Variants in DHRS3 observed in about 807,000 individuals in gnomAD.
DHRS3 encodes the protein dehydrogenase/reductase 3, also known as short-chain dehydrogenase/reductase 3.
DHRS3 carries 14 observed loss-of-function variants against 27.2 expected under a neutral mutation model. The ratio of observed to expected loss-of-function variants is 0.52; its 90% CI spans 0.34 to 0.81. The LOEUF (loss-of-function observed/expected upper bound fraction) is 0.81, where lower values mean the gene tolerates loss of function less well. DHRS3 is among the 30% of genes least tolerant of loss of function. The pLI is 0.01. For synonymous variants in DHRS3, 165 were observed against 175.9 expected (o/e 0.94, Z 0.49); for missense variants, 322 against 406.2 (o/e 0.79, Z 1.78).
chr1:12,586,123 G>A lies in DHRS3; in HGVS notation c.196-5457C>T, dbSNP rs577019473. On this transcript the variant is annotated intron_variant, in intron 1 of 5. Transcript: ENST00000616661. This position sits in a 1 kb window ranked among gnomAD's most constrained non-coding sequence, Gnocchi z 5.0. Reference sequence around the variant, plus strand: ...AGACCTCTGGTCTCCGGGGCCCCGGGCTGTCCTGCCCTTGCCCAGAGCTGC... The same window carrying A: ...AGACCTCTGGTCTCCGGGGCCCCGGACTGTCCTGCCCTTGCCCAGAGCTGC... Among the ~76,000 whole-genome samples, 1 of 152,332 alleles carries A rather than the reference G, an allele frequency of 6.6e-6. No homozygotes were observed. The highest frequency in any genetic ancestry group is 1.9e-4 in the East Asian group (1 of 5,186).
chr1:12,582,875 C>CCA (rs1570367131), intron 1 of DHRS3, among the ~76,000 whole-genome samples: 36,681 of 136,220 alleles, frequency 0.27, 5,819 homozygotes, highest in East Asian at 0.52. Context: ...CCATCCATCC[C>CCA]TCCCTCCCTC....
chr1:12,604,538 T>G (rs964140632), intron 1 of DHRS3, among the ~76,000 whole-genome samples: 1 of 152,258 alleles, frequency 6.6e-6, no homozygotes, highest in African/African-American at 2.4e-5. Flanking sequence ...ACTCATTCAC[T>G]GCTTATCACC....
At chr1:12,571,256 A>T (rs1646533844) in intron 5 of DHRS3, among the ~76,000 whole-genome samples, 1 of 152,216 alleles carries the variant, frequency 6.6e-6, no homozygotes, top group African/African-American at 2.4e-5. Flanking sequence ...GTTCTAGGGG[A>T]ATAGGATGCC....
chr1:12,570,443 T>A (rs968667000), intron 5 of DHRS3, among the ~76,000 whole-genome samples: 2 of 152,002 alleles, frequency 1.3e-5, no homozygotes, highest in African/African-American at 4.8e-5. Flanking sequence ...AAGTACAAGA[T>A]GAAAAGGGTT....
chr1:12,597,252 T>C (rs1646805215), intron 1 of DHRS3, among the ~76,000 whole-genome samples: 1 of 152,180 alleles, frequency 6.6e-6, no homozygotes. Flanking sequence ...AATTTTTGTA[T>C]TTTTAGTAGA....
intron 5 of DHRS3, among the ~76,000 whole-genome samples, chr1:12,571,759 C>T (rs1646539471): frequency 6.6e-6 from 1 of 152,106 alleles, no homozygotes; most frequent in South Asian, 2.1e-4. Flanking sequence ...GTCTCGAACT[C>T]CCAACCTCAG....
Position 12,617,524 on chromosome 1 carries a change from A to C in DHRS3, c.-176T>G. Reference sequence around the variant, plus strand: ...CAAAGCACCGGGTGAGAAAAAGAAAAAAAAAAAAAAAAAAAAGATAAATTC... The same window carrying C: ...CAAAGCACCGGGTGAGAAAAAGAAACAAAAAAAAAAAAAAAAGATAAATTC... On this transcript the variant is annotated 5_prime_UTR_variant, in exon 1 of 6. Transcript: ENST00000616661. The C allele has an allele frequency of 2.2e-6, 1 of 445,242 alleles. No individual in the cohort carries two copies. Among genetic ancestry groups the C allele is most frequent in the Non-Finnish European group, 3.8e-6 (1 of 265,204 alleles). 27.6% of individuals were successfully genotyped at this position (445,242 alleles called of 1,614,324 possible).
intron 1 of DHRS3, among the ~76,000 whole-genome samples, chr1:12,597,167 C>T (rs1646804384): frequency 6.6e-6 from 1 of 152,170 alleles, no homozygotes; most frequent in Non-Finnish European, 1.5e-5. Context: ...ACCTCCGCCT[C>T]CCGGGTTCAA....
At position 12,592,759 on chromosome 1, in the gene DHRS3, A is replaced by G. The variant is rs1646756963; in HGVS notation, c.196-12093T>C. Among the ~76,000 whole-genome samples the G allele has an allele frequency of 6.6e-6, 1 of 152,198 alleles. No homozygotes were observed. Among genetic ancestry groups the G allele is most frequent in the African/African-American group, 2.4e-5 (1 of 41,442 alleles). On this transcript the variant is annotated intron_variant, in intron 1 of 5. Coordinates refer to ENST00000616661, the MANE Select transcript of DHRS3 (RefSeq NM_004753.7). The surrounding 1 kb of genome is among the most constrained non-coding windows in gnomAD (Gnocchi z 4.2). ...AGGAGGCCAAGCGAGGCCCAGCCCC[A>G]GGCTCCCGAGGCTGGGAAGTGACGG... is the stretch of plus-strand genomic sequence containing the variant.
chr1:12,616,631 A>G lies in DHRS3; in HGVS notation c.195+523T>C, dbSNP rs576439320. On this transcript the variant is annotated intron_variant, in intron 1 of 5. Transcript: ENST00000616661. ...TCGGTCCGGCCAGACTACTGCATACAAGACCGCTCTTCCCTTTTCAAACCC... is the reference window on the plus strand; with the variant it reads ...TCGGTCCGGCCAGACTACTGCATACGAGACCGCTCTTCCCTTTTCAAACCC... 223 of 991,266 alleles carry G rather than the reference A, an allele frequency of 2.2e-4. No individual in the cohort carries two copies. In the African/African-American group the frequency reaches 3.7e-3, roughly 17 times the overall value. The allele number at this position is 991,266 out of a possible 1,614,324, so 61.4% of individuals were successfully genotyped here.
At chr1:12,582,845 C>CCATT (rs1315205213) in intron 1 of DHRS3, among the ~76,000 whole-genome samples, 2 of 150,002 alleles carry the variant, frequency 1.3e-5, no homozygotes, top group African/African-American at 4.9e-5. Context: ...CCAACTCCAT[C>CCATT]CATCCATCCA....
intron 4 of DHRS3, among the ~76,000 whole-genome samples, chr1:12,577,563 A>G (rs11803082): frequency 0.029 from 4,487 of 152,204 alleles, 226 homozygotes; most frequent in African/African-American, 0.1. Context: ...GGTGGCTCAC[A>G]CCTGTCATCC....
chr1:12,572,955 C>T (rs1646552443), intron 4 of DHRS3, 102 bp from the exon 5 acceptor site: 5 of 1,415,902 alleles, frequency 3.5e-6, no homozygotes, highest in Non-Finnish European at 4.7e-6. Flanking sequence ...TTGGCTTTTC[C>T]TGTCTGAGAG....
intron 1 of DHRS3, among the ~76,000 whole-genome samples, chr1:12,587,146 T>C (rs1324012419): frequency 1.3e-5 from 2 of 150,604 alleles, no homozygotes; most frequent in African/African-American, 4.9e-5. Context: ...CTAAACTTTT[T>C]TTTTTTTTTT....
chr1:12,611,122 C>T (rs1314450857), intron 1 of DHRS3, among the ~76,000 whole-genome samples: 1 of 152,142 alleles, frequency 6.6e-6, no homozygotes, highest in South Asian at 2.1e-4. Context: ...AAAGTAACTG[C>T]AAAGATACAG....
In DHRS3 at chr1:12,592,642, C is replaced by T. The variant is rs2100692745; in HGVS notation, c.196-11976G>A. On this transcript the variant is annotated intron_variant, in intron 1 of 5. Coordinates refer to ENST00000616661, the MANE Select transcript of DHRS3 (RefSeq NM_004753.7). This position sits in a 1 kb window ranked among gnomAD's most constrained non-coding sequence, Gnocchi z 4.2. ...CTGGTACCCAGAAATGTGAGAGCAG[C>T]TTTGGTGTTTTGGGCCACACAGCTG... Among the ~76,000 whole-genome samples the T allele has an allele frequency of 6.6e-6, 1 of 152,266 alleles. No homozygotes were observed. Among genetic ancestry groups the T allele is most frequent in the Non-Finnish European group, 1.5e-5 (1 of 68,030 alleles).
At chr1:12,570,848 G>A (rs904727405) in intron 5 of DHRS3, among the ~76,000 whole-genome samples, 4 of 152,220 alleles carry the variant, frequency 2.6e-5, no homozygotes, top group African/African-American at 9.6e-5. Context: ...ATGCCCCTGG[G>A]TGCCCCCTTC....
intron 1 of DHRS3, among the ~76,000 whole-genome samples, chr1:12,585,741 T>C (rs1327277090): frequency 1.3e-5 from 2 of 152,182 alleles, no homozygotes; most frequent in Admixed American, 6.5e-5. Flanking sequence ...CAGAATTCCC[T>C]GGAGGTGACC....
intron 1 of DHRS3, among the ~76,000 whole-genome samples, chr1:12,587,638 C>G (rs1646709038): frequency 6.6e-6 from 1 of 151,932 alleles, no homozygotes; most frequent in Non-Finnish European, 1.5e-5. Context: ...GCCCAGGGGA[C>G]AGAGGCTGCA....
Sources: gnomAD v4.1 joint callset for allele counts (sites outside exome capture counted in the v4.1 genomes callset) on GRCh38, gnomAD v4.1.1 for gene constraint, Gnocchi (gnomAD v3.1) non-coding constraint, MANE v1.5 for transcripts, NCBI Gene and HGNC (gene_info 2026-07-23, HGNC 2026-07-21) for gene names.